Variants in WDR44 observed in about 807,000 individuals in gnomAD.
WDR44 encodes WD repeat-containing protein 44.
In WDR44, 9 loss-of-function variants were observed where a neutral mutation model predicts 65.7. That is an observed-to-expected ratio of 0.14 (90% CI 0.08 to 0.24). The LOEUF (loss-of-function observed/expected upper bound fraction) is 0.24. Among genes scored for constraint, WDR44 ranks in the 10% least tolerant of loss-of-function variants. The pLI, the probability that WDR44 is intolerant of heterozygous loss-of-function variation, is 1.00. For missense variants in WDR44, 425 were observed against 670.9 expected (o/e 0.63, Z 4.05); for synonymous variants, 220 against 235.2 (o/e 0.94, Z 0.59).
intron 1 of WDR44, among the ~76,000 whole-genome samples, chrX:118,369,581 T>C (rs1452642505): frequency 9.6e-6 from 1 of 103,738 alleles, no homozygotes; most frequent in Non-Finnish European, 2.0e-5. Context: ...GCCATTCTCC[T>C]GCTCAGCCTC....
intron 13 of WDR44, among the ~76,000 whole-genome samples, chrX:118,435,273 T>G: frequency 8.9e-6 from 1 of 111,736 alleles, no homozygotes; most frequent in Middle Eastern, 4.6e-3. Flanking sequence ...TTTTTTGTTT[T>G]TTTCTTCTGT....
At chrX:118,436,598 A>T in intron 13 of WDR44, 104 bp from the exon 14 acceptor site, 1 of 893,712 alleles carries the variant, frequency 1.1e-6, no homozygotes, top group Non-Finnish European at 1.6e-6. Flanking sequence ...GCATTTAACA[A>T]TAACAAAACT....
At chrX:118,413,088 G>A (rs1297381391) in intron 12 of WDR44, among the ~76,000 whole-genome samples, 1 of 112,008 alleles carries the variant, frequency 8.9e-6, no homozygotes, top group Admixed American at 9.5e-5. Flanking sequence ...TTATCCACTC[G>A]TTGATTGATG....
At chrX:118,414,257 C>CT (rs565805780) in intron 12 of WDR44, among the ~76,000 whole-genome samples, 985 of 46,647 alleles carry the variant, frequency 0.021, 28 homozygotes, top group African/African-American at 0.043. Flanking sequence ...CTTGCGATTG[C>CT]TTTTTTTTTT....
intron 2 of WDR44, among the ~76,000 whole-genome samples, chrX:118,384,829 T>C (rs747882759): frequency 1.4e-4 from 16 of 111,919 alleles, no homozygotes; most frequent in African/African-American, 4.5e-4. Flanking sequence ...GTTTTTCCAT[T>C]TGTTTGTGTC....
At chrX:118,417,858 G>A (rs1208471206) in intron 12 of WDR44, among the ~76,000 whole-genome samples, 7 of 111,762 alleles carry the variant, frequency 6.3e-5, no homozygotes, top group Admixed American at 4.8e-4. Context: ...CCCAGACCTC[G>A]TAGAGGCTTC....
intron 12 of WDR44, among the ~76,000 whole-genome samples, chrX:118,424,323 G>GTATA (rs1171699587): frequency 0.02 from 1,287 of 65,502 alleles, 48 homozygotes; most frequent in Admixed American, 0.1. Context: ...GTGTGTGTGT[G>GTATA]TATATATATA....
intron 9 of WDR44, among the ~76,000 whole-genome samples, chrX:118,406,441 T>A (rs2056968492): frequency 8.9e-6 from 1 of 111,811 alleles, no homozygotes; most frequent in African/African-American, 3.3e-5. Flanking sequence ...TAGGTAAATT[T>A]TCTAAATTTG....
chrX:118,411,217 C>T (rs762612011), intron 12 of WDR44, among the ~76,000 whole-genome samples: 34 of 110,615 alleles, frequency 3.1e-4, no homozygotes, highest in African/African-American at 1.1e-3. Context: ...TACAAAAGCC[C>T]CTCCCCTCAA....
At chrX:118,423,634 A>G (rs970181040) in intron 12 of WDR44, among the ~76,000 whole-genome samples, 10 of 111,888 alleles carry the variant, frequency 8.9e-5, no homozygotes, top group African/African-American at 3.2e-4. Flanking sequence ...GTTTATTCTC[A>G]TCCTCTTATT....
At chrX:118,426,493 G>A (rs2057157888) in intron 12 of WDR44, among the ~76,000 whole-genome samples, 1 of 111,233 alleles carries the variant, frequency 9.0e-6, no homozygotes, top group African/African-American at 3.3e-5. Context: ...CTTGAGCCCA[G>A]GAGTTCAAGA....
At chrX:118,355,560 A>G (rs1191454018) in intron 1 of WDR44, among the ~76,000 whole-genome samples, 1 of 112,223 alleles carries the variant, frequency 8.9e-6, no homozygotes, top group Non-Finnish European at 1.9e-5. Flanking sequence ...TTAAGGGTTA[A>G]GGTTAATGAT....
At chrX:118,366,577 C>T (rs1024370860) in intron 1 of WDR44, among the ~76,000 whole-genome samples, 1 of 111,150 alleles carries the variant, frequency 9.0e-6, no homozygotes, top group Non-Finnish European at 1.9e-5. Context: ...GACATATCAA[C>T]TGATTGTAAT....
At chrX:118,400,021 G>A (rs891699083) in intron 8 of WDR44, among the ~76,000 whole-genome samples, 1 of 110,475 alleles carries the variant, frequency 9.1e-6, no homozygotes, top group Admixed American at 9.6e-5. Context: ...CTGAGGGATC[G>A]AGGCTGCAGT....
intron 18 of WDR44, 33 bp downstream of exon 18, chrX:118,443,720 A>G (rs1336728944): frequency 3.4e-6 from 4 of 1,170,212 alleles, no homozygotes; most frequent in Non-Finnish European, 4.6e-6. Flanking sequence ...GTGTCTTATA[A>G]GAGAATCAAG....
intron 3 of WDR44, among the ~76,000 whole-genome samples, chrX:118,387,947 A>C (rs2056786048): frequency 8.9e-6 from 1 of 111,762 alleles, no homozygotes; most frequent in African/African-American, 3.3e-5. Context: ...TTATTCATTT[A>C]TACAAGTTTT....
Position 118,441,555 on chromosome X carries a change from C to T in WDR44, c.2162C>T (p.Thr721Ile). The T allele has an allele frequency of 8.4e-7, 1 of 1,193,532 alleles. No individual in the cohort carries two copies. Among genetic ancestry groups the T allele is most frequent in the African/African-American group, 1.7e-5 (1 of 57,429 alleles). Residue 721 changes from threonine (T) to isoleucine (I), a missense_variant, in exon 15 of 20, where the codon ACA (threonine) becomes ATA (isoleucine). Around this residue, in one of 5 missense-constraint regions of WDR44, gnomAD observed 73 missense variants for 187.4 expected, o/e 0.39. Coordinates refer to ENST00000254029, the MANE Select transcript of WDR44 (RefSeq NM_019045.5). ...TYDGRCIFYD[T>I]EHLKYHTQIH... ...GATGGCAGATGTATTTTCTATGATA[C>T]AGAGGTAAATGATTGTTTTTTGTAA...
chrX:118,389,056 A>G (rs2056795828), intron 3 of WDR44, among the ~76,000 whole-genome samples: 1 of 112,176 alleles, frequency 8.9e-6, no homozygotes, highest in Non-Finnish European at 1.9e-5. Context: ...TTAGTGGGGA[A>G]AAAAGATGAT....
intron 12 of WDR44, among the ~76,000 whole-genome samples, chrX:118,426,995 A>G (rs996135528): frequency 8.9e-6 from 1 of 112,006 alleles, no homozygotes; most frequent in Admixed American, 9.5e-5. Context: ...ATTGTTTTCA[A>G]AGACTATTTA....
Sources: gnomAD v4.1 joint callset for allele counts (sites outside exome capture counted in the v4.1 genomes callset) on GRCh38, gnomAD v4.1.1 for gene constraint, gnomAD v4.1.1 regional missense constraint, MANE v1.5 for transcripts, NCBI Gene and HGNC (gene_info 2026-07-23, HGNC 2026-07-21) for gene names.